Variants in CYB5D2 observed in about 807,000 individuals in gnomAD.
CYB5D2 encodes neuferricin.
Under a neutral mutation model 22.8 loss-of-function variants are expected in CYB5D2, and 23 were observed. The ratio of observed to expected loss-of-function variants is 1.01; its 90% CI spans 0.73 to 1.43. The LOEUF is 1.43. Ranked by LOEUF, CYB5D2 falls within the 40% of genes most tolerant of loss-of-function variation. The pLI, the probability that CYB5D2 is intolerant of heterozygous loss-of-function variation, is 0.00. For missense variants in CYB5D2, 373 were observed against 357.2 expected, an observed-to-expected ratio of 1.04 and a Z score of -0.36; for synonymous variants, 170 against 152.2, an observed-to-expected ratio of 1.12 and a Z score of -0.86.
chr17:4,144,055 G>A lies in CYB5D2; in HGVS notation c.250+50G>A, dbSNP rs374382509. 1.6e-5 allele frequency: 25 copies of A among 1,531,930 alleles called. 1 individual carries two copies. Among genetic ancestry groups the A allele is most frequent in the Middle Eastern group, 2.5e-4 (1 of 4,066 alleles). The allele number at this position is 1,531,930 out of a possible 1,614,324, so 94.9% of individuals were successfully genotyped here. Reference sequence around the variant, plus strand: ...TTCTCTCCGCTGGCGCGAGCCAGTAGCCACCTGCGCGTCGTTCGTTGGTTC... The same window carrying A: ...TTCTCTCCGCTGGCGCGAGCCAGTAACCACCTGCGCGTCGTTCGTTGGTTC... On this transcript the variant is annotated intron_variant, in intron 1 of 3. Transcript: ENST00000301391.
intron 1 of CYB5D2, among the ~76,000 whole-genome samples, chr17:4,147,943 C>T (rs1379149093): frequency 3.9e-5 from 6 of 152,204 alleles, no homozygotes; most frequent in Non-Finnish European, 8.8e-5. Context: ...TGGACATTCT[C>T]ATAGAACAGA....
intron 3 of CYB5D2, among the ~76,000 whole-genome samples, chr17:4,156,048 G>A (rs181989251): frequency 6.6e-6 from 1 of 152,386 alleles, no homozygotes; most frequent in Admixed American, 6.5e-5. Context: ...GTAGAAGAGG[G>A]AGGCGTTTGG....
At position 4,157,077 on chromosome 17, in the gene CYB5D2, C is replaced by T. The variant is rs1383493145; in HGVS notation, c.790C>T (p.Leu264Phe). ...GCTAGCCATCACATGCTCCTTTCCA[C>T]TCTAAGCCGTAGCCTCTTCTGTTAA... ...PPLAITCSFP[L>F] Residue 264 changes from leucine to phenylalanine, a missense_variant, in exon 4 of 4, where the codon CTC (leucine) becomes TTC (phenylalanine). Transcript: ENST00000301391. The surrounding 1 kb of genome is among the most constrained non-coding windows in gnomAD (Gnocchi z 4.4). 4 of 1,612,224 alleles carry T rather than the reference C, an allele frequency of 2.5e-6. No homozygotes were observed. The African/African-American group carries it at 5.3e-5, about 22-fold the overall frequency.
chr17:4,152,843 C>T (rs201169940), intron 2 of CYB5D2, among the ~76,000 whole-genome samples: 1 of 152,312 alleles, frequency 6.6e-6, no homozygotes, highest in Non-Finnish European at 1.5e-5. Context: ...AGTGGCACGA[C>T]TGCAGCTCAC....
rs139874723 is a variant in CYB5D2 at position 4,154,777 on chromosome 17, G to C, written c.495G>C (p.Gln165His). Residue 165 changes from glutamine to histidine, a missense_variant, in exon 3 of 4, where the codon CAG becomes CAC. By Grantham distance (24) the Gln-to-His change is conservative. Transcript: ENST00000301391. ...ITRGLEANKL[Q>H]LQEKQTFPPC... ...GAGGCTTGGAGGCCAACAAACTACA[G>C]CTGCAAGAGAAGCAGACATTCCCGC... The C allele has an allele frequency of 1.2e-6, 2 of 1,614,200 alleles. No homozygotes were observed. The highest frequency in any genetic ancestry group is 8.5e-7 in the Non-Finnish European group (1 of 1,180,036).
rs779334676 is a variant in CYB5D2, at chr17:4,143,712, A to G, written c.-44A>G. The G allele has an allele frequency of 5.7e-6, 9 of 1,569,942 alleles. No homozygotes were observed. The highest frequency in any genetic ancestry group is 7.8e-6 in the Non-Finnish European group (9 of 1,154,824). On this transcript the variant is annotated 5_prime_UTR_variant, in exon 1 of 4. It adds an upstream start codon to the 5' untranslated region. Coordinates refer to ENST00000301391, the MANE Select transcript of CYB5D2 (RefSeq NM_144611.4). Reference sequence around the variant, plus strand: ...CGTCTCGGCCATCTTAGCTGTAGATAGAGGCGGCAACCTCGGAAGTGCGGA... The same window carrying G: ...CGTCTCGGCCATCTTAGCTGTAGATGGAGGCGGCAACCTCGGAAGTGCGGA...
In CYB5D2 at chr17:4,143,753, T is replaced by C. The variant is rs2058928407; in HGVS notation, c.-3T>C. 1.2e-6 allele frequency: 2 copies of C among 1,612,840 alleles called. No homozygotes were observed. Among genetic ancestry groups the C allele is most frequent in the African/African-American group, 1.3e-5 (1 of 74,994 alleles). On this transcript the variant is annotated 5_prime_UTR_variant, in exon 1 of 4. Coordinates refer to ENST00000301391, the MANE Select transcript of CYB5D2 (RefSeq NM_144611.4). ...GAAGTGCGGAGCGGGTGGGCCTATA[T>C]AGATGTTGAGGTGCGGAGGCCGTGG...
chr17:4,144,218 G>A (rs1182135128), intron 1 of CYB5D2, among the ~76,000 whole-genome samples: 2 of 151,954 alleles, frequency 1.3e-5, no homozygotes, highest in Non-Finnish European at 2.9e-5. Context: ...ATCCACCACC[G>A]CCCTGCGTGA....
chr17:4,143,776 T>C lies in CYB5D2; in HGVS notation c.21T>C (p.Arg7=). The C allele has an allele frequency of 6.2e-7, 1 of 1,613,814 alleles. No individual in the cohort carries two copies. The highest frequency in any genetic ancestry group is 1.3e-5 in the African/African-American group (1 of 75,028). The change falls in exon 1 of 4, where the codon CGT becomes CGC. Residue 7 remains arginine (R), a synonymous_variant. Transcript: ENST00000301391. MLRCGG[R]GLLLGLAVAA... is the part of the protein sequence containing the mutation. ...TATAGATGTTGAGGTGCGGAGGCCGTGGGCTTTTGTTGGGCCTGGCTGTAG... is the reference window on the plus strand; with the variant it reads ...TATAGATGTTGAGGTGCGGAGGCCGCGGGCTTTTGTTGGGCCTGGCTGTAG...
chr17:4,157,263 G>T lies in CYB5D2; in HGVS notation c.*181G>T. ...CGTGGCTCGGCGTTGTGGTGCCTGA[G>T]GGACAGCCGGCCACCTGCCCAGTAC... is the stretch of plus-strand genomic sequence containing the variant. On this transcript the variant is annotated 3_prime_UTR_variant, in exon 4 of 4. Transcript: ENST00000301391. This position sits in a 1 kb window ranked among gnomAD's most constrained non-coding sequence, Gnocchi z 4.4. 1 of 692,058 alleles carries T rather than the reference G, an allele frequency of 1.4e-6. No homozygotes were observed. Among genetic ancestry groups the T allele is most frequent in the Admixed American group, 2.7e-5 (1 of 36,712 alleles). 42.9% of individuals were successfully genotyped at this position (692,058 alleles called of 1,614,324 possible). A position where few individuals can be genotyped will look rare whatever the true frequency, so the allele number is the denominator to read the frequency against.
At position 4,157,394 on chromosome 17, in the gene CYB5D2, T is replaced by G; in HGVS notation, c.*312T>G. On this transcript the variant is annotated 3_prime_UTR_variant, in exon 4 of 4. Transcript: ENST00000301391. This position sits in a 1 kb window ranked among gnomAD's most constrained non-coding sequence, Gnocchi z 4.4. ...GACCAACTCAATTTCCACTTGAATT[T>G]ACAACCAAAAGCCTGCTGAGTTGAT... 2 of 440,268 alleles carry G rather than the reference T, an allele frequency of 4.5e-6. No homozygotes were observed. The highest frequency in any genetic ancestry group is 8.4e-6 in the Non-Finnish European group (2 of 238,946). The allele number at this position is 440,268 out of a possible 1,614,324, so 27.3% of individuals were successfully genotyped here. A position where few individuals can be genotyped will look rare whatever the true frequency, so the allele number is the denominator to read the frequency against.
intron 2 of CYB5D2, among the ~76,000 whole-genome samples, chr17:4,151,496 TG>T (rs2059057211): frequency 6.6e-6 from 1 of 152,082 alleles, no homozygotes; most frequent in South Asian, 2.1e-4. Flanking sequence ...AAGACCAGCC[TG>T]GCCAACATGG....
rs1211950609 is a variant in CYB5D2, at chr17:4,156,978, C to A, written c.691C>A (p.Pro231Thr). ...RTTGPPSGQM[P>T]DNPPHRNRGD... The stretch of plus-strand genomic sequence containing the variant: ...CACCGGCCCCCCTAGTGGCCAGATG[C>A]CGGACAACCCTCCACACAGAAATCG... Residue 231 changes from proline to threonine, a missense_variant, in exon 4 of 4, where the codon CCG becomes ACG. Coordinates refer to ENST00000301391, the MANE Select transcript of CYB5D2 (RefSeq NM_144611.4). 1.2e-6 allele frequency: 2 copies of A among 1,612,880 alleles called. No individual in the cohort carries two copies. Among genetic ancestry groups the A allele is most frequent in the South Asian group, 2.2e-5 (2 of 91,014 alleles).
At position 4,154,719 on chromosome 17, in the gene CYB5D2, C is replaced by T. The variant is rs367926129; in HGVS notation, c.437C>T (p.Pro146Leu). 27 of 1,614,064 alleles carry T rather than the reference C, an allele frequency of 1.7e-5. No individual in the cohort carries two copies. The highest frequency in any genetic ancestry group is 3.3e-5 in the Admixed American group (2 of 60,006). Residue 146 changes from proline (P) to leucine (L), a missense_variant, in exon 3 of 4, where the codon CCG becomes CTG. By Grantham distance (98) the Pro-to-Leu change is moderately conservative. Coordinates refer to ENST00000301391, the MANE Select transcript of CYB5D2 (RefSeq NM_144611.4). ...RFYGEDGLPT[P>L]ALTQVEAAIT... The stretch of plus-strand genomic sequence containing the variant: ...TACGGAGAGGATGGGCTGCCCACCC[C>T]GGCACTGACCCAGGTAGAAGCTGCG...
Position 4,143,711 on chromosome 17 carries a change from T to C in CYB5D2, c.-45T>C, listed in dbSNP as rs757408369. ...GCGTCTCGGCCATCTTAGCTGTAGATAGAGGCGGCAACCTCGGAAGTGCGG... is the reference window on the plus strand; with the variant it reads ...GCGTCTCGGCCATCTTAGCTGTAGACAGAGGCGGCAACCTCGGAAGTGCGG... On this transcript the variant is annotated 5_prime_UTR_variant, in exon 1 of 4. Coordinates refer to ENST00000301391, the MANE Select transcript of CYB5D2 (RefSeq NM_144611.4). The C allele has an allele frequency of 9.6e-6, 15 of 1,569,686 alleles. No individual in the cohort carries two copies. Among genetic ancestry groups the C allele is most frequent in the Non-Finnish European group, 1.2e-5 (14 of 1,154,896 alleles).
intron 2 of CYB5D2, among the ~76,000 whole-genome samples, chr17:4,151,534 A>C: frequency 6.6e-6 from 1 of 151,872 alleles, no homozygotes; most frequent in Non-Finnish European, 1.5e-5. Flanking sequence ...TTAAAATACA[A>C]AAATTAGCCG....
Position 4,143,557 on chromosome 17 carries a change from A to T in CYB5D2, c.-199A>T. Reference sequence around the variant, plus strand: ...AAAAAAAAAAAAAGTACCTGGAAAAAGTCGCAGACAGCGAGCTTTTCGCCA... The same window carrying T: ...AAAAAAAAAAAAAGTACCTGGAAAATGTCGCAGACAGCGAGCTTTTCGCCA... On this transcript the variant is annotated 5_prime_UTR_variant, in exon 1 of 4. In the 5' UTR this introduces an upstream ATG that the reference lacks. Coordinates refer to ENST00000301391, the MANE Select transcript of CYB5D2 (RefSeq NM_144611.4). The T allele has an allele frequency of 1.6e-6, 1 of 634,862 alleles. No individual in the cohort carries two copies. The allele number at this position is 634,862 out of a possible 1,614,324, so 39.3% of individuals were successfully genotyped here.
chr17:4,150,655 C>T (rs951134915), intron 2 of CYB5D2, among the ~76,000 whole-genome samples: 2 of 152,078 alleles, frequency 1.3e-5, no homozygotes, highest in East Asian at 1.9e-4. Context: ...GAGGCTGAGG[C>T]GGTTGGATCA....
At chr17:4,154,558 A>G (rs1298122694) in intron 2 of CYB5D2, 116 bp from the exon 3 acceptor site, 1 of 1,229,616 alleles carries the variant, frequency 8.1e-7, no homozygotes, top group African/African-American at 1.5e-5. Flanking sequence ...AGAAGTTCTT[A>G]TTAAACGCGC....
Sources: gnomAD v4.1 joint callset for allele counts (sites outside exome capture counted in the v4.1 genomes callset) on GRCh38, gnomAD v4.1.1 for gene constraint, Gnocchi (gnomAD v3.1) non-coding constraint, MANE v1.5 for transcripts, NCBI Gene and HGNC (gene_info 2026-07-23, HGNC 2026-07-21) for gene names.